LPCAT2: variants seen among roughly 807,000 people sequenced by gnomAD.
LPCAT2 encodes the protein lysophosphatidylcholine acyltransferase 2, also known as 1-AGP acyltransferase 11.
A neutral mutation model predicts 64.7 loss-of-function variants in LPCAT2; 58 were observed. The ratio of observed to expected loss-of-function variants is 0.90; its 90% CI spans 0.73 to 1.12. The LOEUF is 1.12. LPCAT2 is among the 50% of genes most tolerant of loss of function. The probability of loss-of-function intolerance (pLI) is 0.00; values close to 1 mark genes in which losing one functional copy is unlikely to be tolerated. For synonymous variants in LPCAT2, 252 were observed against 245.3 expected (o/e 1.03, Z -0.26); for missense variants, 579 against 669.8 (o/e 0.86, Z 1.50).
At chr16:55,551,939 C>T (rs1411602038) in intron 11 of LPCAT2, among the ~76,000 whole-genome samples, 3 of 152,070 alleles carry the variant, frequency 2.0e-5, no homozygotes, top group Admixed American at 1.3e-4. Flanking sequence ...CAGAGCAAGA[C>T]CCTATTCTCA....
intron 11 of LPCAT2, among the ~76,000 whole-genome samples, chr16:55,570,486 C>T (rs138043138): frequency 4.7e-4 from 71 of 152,236 alleles, no homozygotes; most frequent in African/African-American, 1.7e-3. Context: ...ATCCCCACAA[C>T]TAGCCAAGCA....
intron 11 of LPCAT2, chr16:55,566,665 G>A: frequency 1.4e-6 from 2 of 1,386,938 alleles, no homozygotes; most frequent in Non-Finnish European, 1.9e-6. Flanking sequence ...AGAAAAGCCA[G>A]TTCTTCCACA....
At chr16:55,579,393 T>C (rs1381270237) in intron 13 of LPCAT2, 149 bp downstream of exon 13, 1 of 756,240 alleles carries the variant, frequency 1.3e-6, no homozygotes, top group Non-Finnish European at 2.0e-6. Flanking sequence ...ATAGTAGTAA[T>C]GGCATAATAG....
At position 55,550,960 on chromosome 16, in the gene LPCAT2, A is replaced by G. The variant is rs879159133; in HGVS notation, c.1073A>G (p.Asp358Gly). 3 of 1,599,738 alleles carry G rather than the reference A, an allele frequency of 1.9e-6. No homozygotes were observed. In the South Asian group the frequency reaches 3.4e-5, roughly 18 times the overall value. Residue 358 changes from aspartate (D) to glycine (G), a missense_variant, in exon 11 of 14, where the codon GAT becomes GGT. Transcript: ENST00000262134. The stretch of plus-strand genomic sequence containing the variant: ...CTTTGTTTGTTTAGATTAGATTGGG[A>G]TGGTGTTCGTAAGCATTTGGATGAA... ...KISRKLKLDW[D>G]GVRKHLDEYA... is the part of the protein sequence containing the mutation.
At chr16:55,563,642 A>G (rs1246651073) in intron 11 of LPCAT2, among the ~76,000 whole-genome samples, 3 of 152,004 alleles carry the variant, frequency 2.0e-5, no homozygotes, top group Non-Finnish European at 4.4e-5. Flanking sequence ...AATGCATTTG[A>G]CAAAATTCAG....
rs1301800750 is a variant in LPCAT2 at position 55,584,994 on chromosome 16, A to G, written c.*1896A>G. The G allele has an allele frequency of 6.6e-5, 10 of 152,200 alleles. No homozygotes were observed. Among genetic ancestry groups the G allele is most frequent in the African/African-American group, 2.4e-4 (10 of 41,456 alleles). The allele number at this position is 152,200 out of a possible 1,614,324, so 9.4% of individuals were successfully genotyped here. On this transcript the variant is annotated 3_prime_UTR_variant, in exon 14 of 14. Transcript: ENST00000262134. ...TTTATCAAAGAAAAACCACACATTA[A>G]TCCTATTAATCATGAAAGCGTAGCA...
chr16:55,579,051 AT>A, intron 12 of LPCAT2, 57 bp from the exon 13 acceptor site: 1 of 1,536,070 alleles, frequency 6.5e-7, no homozygotes, highest in Non-Finnish European at 8.9e-7. Context: ...ATTTTCCAAG[AT>A]TATTCCCTAC....
rs1374830894 is a variant in LPCAT2 at position 55,574,666 on chromosome 16, G to A, written c.1251G>A (p.Val417=). Reference sequence around the variant, plus strand: ...GCAGCATTGACTTCCGAGAGTATGTGATTGGCCTGGCTGTCTTGTGCAACC... The same window carrying A: ...GCAGCATTGACTTCCGAGAGTATGTAATTGGCCTGGCTGTCTTGTGCAACC... ...HDGSIDFREY[V]IGLAVLCNPS... Residue 417 remains valine (V), a synonymous_variant, in exon 12 of 14, where the codon GTG becomes GTA. Coordinates refer to ENST00000262134, the MANE Select transcript of LPCAT2 (RefSeq NM_017839.5). 6.2e-7 allele frequency: 1 copy of A among 1,613,596 alleles called. No individual in the cohort carries two copies. Among genetic ancestry groups the A allele is most frequent in the South Asian group, 1.1e-5 (1 of 91,074 alleles).
chr16:55,534,032 C>T (rs1465751175), intron 6 of LPCAT2, among the ~76,000 whole-genome samples: 25 of 152,028 alleles, frequency 1.6e-4, no homozygotes, highest in Admixed American at 1.6e-3. Context: ...ATTTGTTGTA[C>T]TTCTGCCCAT....
intron 11 of LPCAT2, among the ~76,000 whole-genome samples, chr16:55,572,649 A>AC (rs1488703863): frequency 6.6e-6 from 1 of 152,090 alleles, no homozygotes; most frequent in African/African-American, 2.4e-5. Flanking sequence ...CATGGTGTAT[A>AC]CATTTGTCAA....
At chr16:55,509,480 T>A in intron 1 of LPCAT2, 128 bp downstream of exon 1, 1 of 885,022 alleles carries the variant, frequency 1.1e-6, no homozygotes, top group Non-Finnish European at 1.4e-6. Context: ...GGGAGTGAGG[T>A]GGTCCGAGGC....
rs1963917878 is a variant in LPCAT2 at position 55,584,030 on chromosome 16, C to T, written c.*932C>T. ...TTGCTAAGGAAATCATATCCTTTTA[C>T]ATGAACTACAGGTTTAGAACTTGGT... On this transcript the variant is annotated 3_prime_UTR_variant, in exon 14 of 14. Coordinates refer to ENST00000262134, the MANE Select transcript of LPCAT2 (RefSeq NM_017839.5). 6.6e-6 allele frequency: 1 copy of T among 152,156 alleles called. No homozygotes were observed. Among genetic ancestry groups the T allele is most frequent in the South Asian group, 2.1e-4 (1 of 4,826 alleles). The allele number at this position is 152,156 out of a possible 1,614,324, so 9.4% of individuals were successfully genotyped here. A position where few individuals can be genotyped will look rare whatever the true frequency, so the allele number is the denominator to read the frequency against.
intron 1 of LPCAT2, among the ~76,000 whole-genome samples, chr16:55,510,555 C>A (rs1232481020): frequency 6.6e-6 from 1 of 152,110 alleles, no homozygotes; most frequent in African/African-American, 2.4e-5. Context: ...GCACTAAGAC[C>A]ATTGTCCTCT....
At position 55,533,406 on chromosome 16, in the gene LPCAT2, G is replaced by GTTTTTTTT. The variant is rs11335464; in HGVS notation, c.762+539_762+546dup. 8.5e-3 allele frequency among the ~76,000 whole-genome samples: 815 copies of GTTTTTTTT among 96,434 alleles called. 11 individuals are homozygous for GTTTTTTTT. Among genetic ancestry groups the GTTTTTTTT allele is most frequent in the South Asian group, 0.015 (40 of 2,632 alleles). 63.3% of individuals were successfully genotyped at this position (96,434 alleles called of 152,430 possible). ...CTTAACATCTTTTTTTGTTTTTCGG[G>GTTTTTTTT]TTTTTTTTTTTTTTTTTTTTTTGAG... On this transcript the variant is annotated intron_variant, in intron 6 of 13. Coordinates refer to ENST00000262134, the MANE Select transcript of LPCAT2 (RefSeq NM_017839.5).
At chr16:55,563,614 A>T (rs771058802) in intron 11 of LPCAT2, among the ~76,000 whole-genome samples, 2 of 152,046 alleles carry the variant, frequency 1.3e-5, no homozygotes, top group Non-Finnish European at 2.9e-5. Flanking sequence ...TCACATGATC[A>T]TCTTAACAGA....
intron 9 of LPCAT2, among the ~76,000 whole-genome samples, chr16:55,547,719 C>T (rs1308198086): frequency 6.6e-6 from 1 of 152,098 alleles, no homozygotes; most frequent in Non-Finnish European, 1.5e-5. Flanking sequence ...TATACCAAAA[C>T]ACTTATTAAT....
intron 1 of LPCAT2, among the ~76,000 whole-genome samples, chr16:55,512,856 A>G (rs1962953497): frequency 6.6e-6 from 1 of 152,220 alleles, no homozygotes; most frequent in Non-Finnish European, 1.5e-5. Flanking sequence ...AGCTAGTCCT[A>G]TACCCTAGGA....
chr16:55,512,341 A>G (rs1329192093), intron 1 of LPCAT2, among the ~76,000 whole-genome samples: 6 of 152,240 alleles, frequency 3.9e-5, no homozygotes, highest in Non-Finnish European at 5.9e-5. Context: ...ATGAAAAACT[A>G]CACGAAGGCA....
At chr16:55,561,456 A>G (rs1963635456) in intron 11 of LPCAT2, among the ~76,000 whole-genome samples, 1 of 151,192 alleles carries the variant, frequency 6.6e-6, no homozygotes, top group Non-Finnish European at 1.5e-5. Flanking sequence ...AAATAGCCAT[A>G]GGGGATTAAA....
Sources: allele counts gnomAD v4.1 joint callset (sites outside exome capture counted in the v4.1 genomes callset), GRCh38; gene constraint gnomAD v4.1.1; transcripts MANE v1.5; gene names NCBI Gene and HGNC (gene_info 2026-07-23, HGNC 2026-07-21).